SLC24A3: variants seen among roughly 807,000 people sequenced by gnomAD.
The protein encoded by SLC24A3 is solute carrier family 24 member 3, also known as sodium/potassium/calcium exchanger 3.
Under a neutral mutation model 75.8 loss-of-function variants are expected in SLC24A3, and 28 were observed. The observed-to-expected ratio is 0.37, with a 90% CI of 0.27 to 0.51. The LOEUF is 0.51. Ranked by LOEUF, SLC24A3 falls within the 20% of genes least tolerant of loss-of-function variation. The pLI is 0.94. For synonymous variants in SLC24A3, 372 were observed against 334.1 expected, an observed-to-expected ratio of 1.11 and a Z score of -1.24; for missense variants, 663 against 847.8, an observed-to-expected ratio of 0.78 and a Z score of 2.71.
chr20:19,681,216 T>G (rs1361664222), intron 9 of SLC24A3, among the ~76,000 whole-genome samples: 1 of 152,214 alleles, frequency 6.6e-6, no homozygotes, highest in Non-Finnish European at 1.5e-5. Flanking sequence ...CACTTGATCA[T>G]TCTGGAGGAT....
intron 1 of SLC24A3, among the ~76,000 whole-genome samples, chr20:19,258,673 G>T (rs1051624997): frequency 6.6e-6 from 1 of 152,078 alleles, no homozygotes; most frequent in African/African-American, 2.4e-5. Context: ...CTGCACTCCA[G>T]CCTGGGTGAC....
At chr20:19,526,649 C>A (rs1255847706) in intron 3 of SLC24A3, among the ~76,000 whole-genome samples, 2 of 152,160 alleles carry the variant, frequency 1.3e-5, no homozygotes, top group African/African-American at 2.4e-5. Flanking sequence ...TCCTCCATCT[C>A]CCCCACTATC....
intron 2 of SLC24A3, among the ~76,000 whole-genome samples, chr20:19,309,425 G>A (rs1984404859): frequency 1.3e-5 from 2 of 152,128 alleles, no homozygotes; most frequent in African/African-American, 4.8e-5. Flanking sequence ...TACTCAGTGT[G>A]GTCCAGGGAC....
intron 2 of SLC24A3, among the ~76,000 whole-genome samples, chr20:19,405,671 T>C (rs1295820068): frequency 1.3e-5 from 2 of 152,230 alleles, no homozygotes; most frequent in African/African-American, 4.8e-5. Context: ...TGATTCCCAA[T>C]AGTGCATTTG....
chr20:19,544,927 G>A (rs552956069), intron 3 of SLC24A3, among the ~76,000 whole-genome samples: 1 of 152,256 alleles, frequency 6.6e-6, no homozygotes, highest in South Asian at 2.1e-4. Context: ...AGCCAATAAG[G>A]GAAACGAGCA....
chr20:19,248,277 C>T (rs1427158708), intron 1 of SLC24A3, among the ~76,000 whole-genome samples: 2 of 152,082 alleles, frequency 1.3e-5, no homozygotes, highest in African/African-American at 4.8e-5. Flanking sequence ...TTCTGTGTGC[C>T]CCGCATCCCG....
intron 1 of SLC24A3, among the ~76,000 whole-genome samples, chr20:19,253,398 G>A (rs150223616): frequency 4.5e-4 from 69 of 152,344 alleles, no homozygotes; most frequent in Non-Finnish European, 8.7e-4. Context: ...CTTGCCAAGC[G>A]TTACCCCTGT....
At chr20:19,323,554 T>C (rs1184862953) in intron 2 of SLC24A3, among the ~76,000 whole-genome samples, 1 of 152,142 alleles carries the variant, frequency 6.6e-6, no homozygotes, top group East Asian at 1.9e-4. Context: ...GACCTTCATA[T>C]CCAGACAGCT....
intron 2 of SLC24A3, among the ~76,000 whole-genome samples, chr20:19,477,518 C>T (rs1987980821): frequency 6.6e-6 from 1 of 152,212 alleles, no homozygotes; most frequent in Non-Finnish European, 1.5e-5. Context: ...CAAAATTTCT[C>T]TTCCACAGTG....
At chr20:19,716,475 C>T (rs2122175805) in intron 15 of SLC24A3, among the ~76,000 whole-genome samples, 1 of 151,830 alleles carries the variant, frequency 6.6e-6, no homozygotes, top group East Asian at 1.9e-4. Flanking sequence ...CCACCTGTAC[C>T]TAATGGCTAC....
chr20:19,417,660 C>T (rs936273922), intron 2 of SLC24A3, among the ~76,000 whole-genome samples: 14 of 152,166 alleles, frequency 9.2e-5, no homozygotes, highest in Non-Finnish European at 1.8e-4. Context: ...GGAACAATTA[C>T]GTAAACTTCT....
chr20:19,512,032 G>A (rs955426252), intron 2 of SLC24A3, among the ~76,000 whole-genome samples: 1 of 152,184 alleles, frequency 6.6e-6, no homozygotes, highest in African/African-American at 2.4e-5. Context: ...CACAGTGCTG[G>A]CCGCTCCATT....
intron 6 of SLC24A3, among the ~76,000 whole-genome samples, chr20:19,607,859 C>T (rs1449078675): frequency 6.6e-6 from 1 of 152,240 alleles, no homozygotes; most frequent in African/African-American, 2.4e-5. Flanking sequence ...CTGAAAGGCC[C>T]CCTTTGCTGG....
At chr20:19,222,253 T>C (rs1044121258) in intron 1 of SLC24A3, among the ~76,000 whole-genome samples, 3 of 152,190 alleles carry the variant, frequency 2.0e-5, no homozygotes, top group African/African-American at 7.2e-5. Flanking sequence ...CTTTTCCCCA[T>C]ATGGACTCTT....
intron 9 of SLC24A3, among the ~76,000 whole-genome samples, chr20:19,679,154 C>T (rs2032575972): frequency 6.6e-6 from 1 of 151,994 alleles, no homozygotes; most frequent in Non-Finnish European, 1.5e-5. Flanking sequence ...AGGCAGGCGG[C>T]TGGGAGGTGG....
intron 6 of SLC24A3, 25 bp from the exon 7 acceptor site, chr20:19,654,037 T>C: frequency 6.3e-7 from 1 of 1,591,374 alleles, no homozygotes; most frequent in African/African-American, 1.3e-5. Context: ...ATATCCTGTT[T>C]GACTTTGTTT....
At chr20:19,473,472 A>T (rs1295501916) in intron 2 of SLC24A3, among the ~76,000 whole-genome samples, 2 of 152,272 alleles carry the variant, frequency 1.3e-5, no homozygotes, top group African/African-American at 4.8e-5. Context: ...AATGGCGGGT[A>T]ACCCGCCTTG....
At chr20:19,382,273 G>C (rs1022737877) in intron 2 of SLC24A3, among the ~76,000 whole-genome samples, 3 of 152,128 alleles carry the variant, frequency 2.0e-5, no homozygotes, top group African/African-American at 4.8e-5. Context: ...AAAAACCAGC[G>C]TGATAGTGCA....
chr20:19,238,195 T>C (rs1175930844), intron 1 of SLC24A3, among the ~76,000 whole-genome samples: 7 of 152,210 alleles, frequency 4.6e-5, no homozygotes, highest in Admixed American at 4.6e-4. Flanking sequence ...GAGTGACCAC[T>C]GTCCCAGCTT....
Sources: allele counts gnomAD v4.1 joint callset (sites outside exome capture counted in the v4.1 genomes callset), GRCh38; gene constraint gnomAD v4.1.1; transcripts MANE v1.5; gene names NCBI Gene and HGNC (gene_info 2026-07-23, HGNC 2026-07-21).